Variants in EDA observed in about 807,000 individuals in gnomAD.
EDA encodes the protein ectodysplasin A.
In EDA, 2 loss-of-function variants were observed where a neutral mutation model predicts 23.6. The ratio of observed to expected loss-of-function variants is 0.08; its 90% CI spans 0.03 to 0.27. The LOEUF (loss-of-function observed/expected upper bound fraction) is 0.27, where lower values mean the gene tolerates loss of function less well. EDA is among the 10% of genes least tolerant of loss of function. The pLI is 1.00. For synonymous variants in EDA, 131 were observed against 132.0 expected (o/e 0.99, Z 0.05); for missense variants, 229 against 324.2 (o/e 0.71, Z 2.26).
chrX:69,954,453 G>T (rs952524050), intron 1 of EDA, among the ~76,000 whole-genome samples: 1 of 111,230 alleles, frequency 9.0e-6, no homozygotes, highest in Non-Finnish European at 1.9e-5. Context: ...AGCATGTATT[G>T]CTCTATAATG....
chrX:69,667,412 C>T (rs751906158), intron 1 of EDA, among the ~76,000 whole-genome samples: 318 of 110,831 alleles, frequency 2.9e-3, no homozygotes, highest in Non-Finnish European at 3.9e-3. Context: ...CGTGCCTGGC[C>T]GTCTCTTTTA....
At chrX:69,698,535 G>T (rs188210768) in intron 1 of EDA, among the ~76,000 whole-genome samples, 1 of 111,781 alleles carries the variant, frequency 8.9e-6, no homozygotes, top group African/African-American at 3.3e-5. Flanking sequence ...GGTAATTCCC[G>T]AGTGGCTCAG....
At chrX:69,796,497 C>A (rs983209679) in intron 1 of EDA, among the ~76,000 whole-genome samples, 1 of 111,939 alleles carries the variant, frequency 8.9e-6, no homozygotes, top group African/African-American at 3.3e-5. Context: ...CATACAGAGA[C>A]TACACTGCTG....
intron 1 of EDA, among the ~76,000 whole-genome samples, chrX:69,883,633 T>TTTGG (rs1445149054): frequency 8.9e-6 from 1 of 112,002 alleles, no homozygotes; most frequent in African/African-American, 3.2e-5. Context: ...TTGGGATTTC[T>TTTGG]TTGGTTTTGT....
intron 1 of EDA, among the ~76,000 whole-genome samples, chrX:69,683,498 T>A (rs1333859835): frequency 2.7e-5 from 3 of 111,806 alleles, no homozygotes; most frequent in South Asian, 3.8e-4. Flanking sequence ...GATTTTCTGA[T>A]CTTTCTCCCC....
intron 1 of EDA, among the ~76,000 whole-genome samples, chrX:69,818,535 A>T (rs1472112858): frequency 8.9e-6 from 1 of 111,937 alleles, no homozygotes; most frequent in Non-Finnish European, 1.9e-5. Flanking sequence ...TAAGGGGGAT[A>T]TCACCACTGA....
intron 1 of EDA, among the ~76,000 whole-genome samples, chrX:69,816,649 G>T (rs1258666900): frequency 9.0e-6 from 1 of 111,323 alleles, no homozygotes; most frequent in African/African-American, 3.3e-5. Flanking sequence ...AAGAATAGAG[G>T]AAAAAGAATG....
At chrX:69,762,907 G>A (rs923480591) in intron 1 of EDA, among the ~76,000 whole-genome samples, 2 of 112,057 alleles carry the variant, frequency 1.8e-5, no homozygotes, top group African/African-American at 3.2e-5. Context: ...CAGGTAGTTT[G>A]GGACAAAGGA....
At chrX:69,883,724 T>C (rs750365545) in intron 1 of EDA, among the ~76,000 whole-genome samples, 2 of 111,440 alleles carry the variant, frequency 1.8e-5, no homozygotes, top group Non-Finnish European at 3.8e-5. Context: ...TTATGAAGGT[T>C]TATAGAGTTT....
intron 1 of EDA, among the ~76,000 whole-genome samples, chrX:69,728,688 C>T (rs959174622): frequency 9.9e-5 from 11 of 110,685 alleles, no homozygotes; most frequent in Non-Finnish European, 1.9e-5. Context: ...CTGGAGAGGG[C>T]TAAGAGGAAA....
intron 1 of EDA, among the ~76,000 whole-genome samples, chrX:69,833,720 A>C (rs1385661354): frequency 9.0e-6 from 1 of 110,738 alleles, no homozygotes; most frequent in African/African-American, 3.3e-5. Flanking sequence ...TCAATTTCAG[A>C]GCCTGTTATT....
chrX:69,844,417 C>T (rs1192984722), intron 1 of EDA, among the ~76,000 whole-genome samples: 1 of 112,768 alleles, frequency 8.9e-6, no homozygotes. Flanking sequence ...TAGTAGAGAT[C>T]AAGCTGTTTG....
chrX:70,018,318 A>C (rs2019981133), intron 2 of EDA, among the ~76,000 whole-genome samples: 1 of 112,060 alleles, frequency 8.9e-6, no homozygotes, highest in African/African-American at 3.2e-5. Context: ...TCAAACTACC[A>C]ATGACATTCT....
chrX:69,933,154 TA>T (rs1336207760), intron 1 of EDA, among the ~76,000 whole-genome samples: 1 of 111,701 alleles, frequency 9.0e-6, no homozygotes, highest in Non-Finnish European at 1.9e-5. Flanking sequence ...CATTTATAAT[TA>T]ACTATCTCTA....
At chrX:69,655,927 C>A (rs1433811051) in intron 1 of EDA, among the ~76,000 whole-genome samples, 1 of 106,624 alleles carries the variant, frequency 9.4e-6, no homozygotes, top group East Asian at 3.0e-4. Flanking sequence ...TTCTGTCTCT[C>A]CATCTCACTG....
At chrX:69,999,867 C>T (rs998758981) in intron 2 of EDA, among the ~76,000 whole-genome samples, 1 of 110,890 alleles carries the variant, frequency 9.0e-6, no homozygotes, top group African/African-American at 3.3e-5. Context: ...CAAATCAAAC[C>T]ATGCAATATA....
At chrX:69,787,323 A>G (rs1227201467) in intron 1 of EDA, among the ~76,000 whole-genome samples, 3 of 99,018 alleles carry the variant, frequency 3.0e-5, no homozygotes, top group Non-Finnish European at 6.2e-5. Flanking sequence ...TGTGAATTTG[A>G]TCCTGTCATT....
intron 1 of EDA, among the ~76,000 whole-genome samples, chrX:69,840,853 G>A (rs1234936591): frequency 8.9e-6 from 1 of 111,787 alleles, no homozygotes; most frequent in Non-Finnish European, 1.9e-5. Context: ...ATCCTCACAT[G>A]TCAGAAGGCA....
intron 1 of EDA, among the ~76,000 whole-genome samples, chrX:69,930,056 G>A (rs1383557433): frequency 9.0e-6 from 1 of 111,371 alleles, no homozygotes; most frequent in African/African-American, 3.3e-5. Flanking sequence ...TCCCATTGTT[G>A]TGATTGCCTG....
Sources: allele counts gnomAD v4.1 joint callset (sites outside exome capture counted in the v4.1 genomes callset), GRCh38; gene constraint gnomAD v4.1.1; transcripts MANE v1.5; gene names NCBI Gene and HGNC (gene_info 2026-07-23, HGNC 2026-07-21).